Variants in RNF144A observed in about 807,000 individuals in gnomAD.
RNF144A encodes E3 ubiquitin-protein ligase RNF144A.
A neutral mutation model predicts 38.7 loss-of-function variants in RNF144A; 11 were observed. The observed-to-expected ratio is 0.28, with a 90% CI of 0.18 to 0.47. The LOEUF (loss-of-function observed/expected upper bound fraction) is 0.47. RNF144A is among the 20% of genes least tolerant of loss of function. RNF144A has a pLI of 0.99. For synonymous variants in RNF144A, 149 were observed against 143.9 expected (o/e 1.04, Z -0.25); for missense variants, 316 against 377.2 (o/e 0.84, Z 1.34).
intron 1 of RNF144A, among the ~76,000 whole-genome samples, chr2:6,939,806 A>AG (rs1553327730): frequency 6.6e-6 from 1 of 152,130 alleles, no homozygotes; most frequent in Non-Finnish European, 1.5e-5. Flanking sequence ...GAAAAAAAAA[A>AG]CACTATCATT....
chr2:7,007,300 C>T (rs141239139), intron 3 of RNF144A, among the ~76,000 whole-genome samples: 32 of 152,324 alleles, frequency 2.1e-4, no homozygotes, highest in Non-Finnish European at 1.8e-4. Context: ...GAATGATCTT[C>T]AGTTGTCTGG....
intron 2 of RNF144A, among the ~76,000 whole-genome samples, chr2:6,968,308 G>A (rs915956452): frequency 6.6e-6 from 1 of 152,236 alleles, no homozygotes; most frequent in Non-Finnish European, 1.5e-5. Context: ...TGAGTTGCAA[G>A]TTAAAATACG....
At chr2:6,967,422 G>T (rs750804014) in intron 2 of RNF144A, among the ~76,000 whole-genome samples, 2 of 152,208 alleles carry the variant, frequency 1.3e-5, no homozygotes, top group Non-Finnish European at 2.9e-5. Flanking sequence ...CCGGCCCAGG[G>T]TCTTGTTAGT....
chr2:7,008,798 G>A (rs559905990), intron 3 of RNF144A, among the ~76,000 whole-genome samples: 2 of 152,284 alleles, frequency 1.3e-5, no homozygotes, highest in South Asian at 2.1e-4. Flanking sequence ...CCTCTGAATG[G>A]CCAGGGAGCC....
chr2:6,985,759 G>A (rs952953462), intron 2 of RNF144A, among the ~76,000 whole-genome samples: 7 of 152,142 alleles, frequency 4.6e-5, no homozygotes, highest in African/African-American at 7.2e-5. Flanking sequence ...TGCAAGCTCC[G>A]CCTCCTGGGT....
At chr2:7,017,493 G>A (rs1396932837) in intron 5 of RNF144A, among the ~76,000 whole-genome samples, 1 of 152,160 alleles carries the variant, frequency 6.6e-6, no homozygotes, top group Non-Finnish European at 1.5e-5. Flanking sequence ...GGTAGTAAGT[G>A]CAGGGATGAG....
intron 2 of RNF144A, among the ~76,000 whole-genome samples, chr2:6,980,882 C>T (rs996063706): frequency 1.6e-4 from 24 of 152,356 alleles, no homozygotes; most frequent in Middle Eastern, 3.4e-3. Flanking sequence ...TCCATACATC[C>T]TCTGAAATCG....
chr2:7,008,322 T>C (rs2444299), intron 3 of RNF144A, among the ~76,000 whole-genome samples: 124,304 of 152,280 alleles, frequency 0.82, 50,831 homozygotes, highest in South Asian at 0.92. Context: ...TAGACCGCAG[T>C]GTAGCTGCAG....
At chr2:6,973,002 C>T (rs1036796201) in intron 2 of RNF144A, among the ~76,000 whole-genome samples, 1 of 152,230 alleles carries the variant, frequency 6.6e-6, no homozygotes, top group African/African-American at 2.4e-5. Context: ...TTGACATTTA[C>T]TAACTTTGTG....
At chr2:7,051,564 C>G (rs1247895698) in intron 6 of RNF144A, among the ~76,000 whole-genome samples, 1 of 152,126 alleles carries the variant, frequency 6.6e-6, no homozygotes, top group East Asian at 1.9e-4. Context: ...TATGCCCAGC[C>G]TGTGGAGTGG....
intron 3 of RNF144A, among the ~76,000 whole-genome samples, chr2:7,013,058 T>C (rs1479976399): frequency 6.6e-6 from 1 of 152,252 alleles, no homozygotes; most frequent in Non-Finnish European, 1.5e-5. Context: ...ATTTTTGTTT[T>C]TTAAAGAAAT....
At chr2:6,959,261 A>T (rs1287065808) in intron 2 of RNF144A, among the ~76,000 whole-genome samples, 1 of 152,110 alleles carries the variant, frequency 6.6e-6, no homozygotes, top group Non-Finnish European at 1.5e-5. Flanking sequence ...TCTCAGTGGG[A>T]CATTGGGGTA....
At chr2:7,029,296 G>C (rs1286153896) in intron 7 of RNF144A, among the ~76,000 whole-genome samples, 1 of 152,226 alleles carries the variant, frequency 6.6e-6, no homozygotes, top group African/African-American at 2.4e-5. Flanking sequence ...TGGAGGCATA[G>C]AGGGCTCGGT....
chr2:6,972,132 T>A lies in RNF144A; in HGVS notation c.-11-24784T>A, dbSNP rs527988355. On this transcript the variant is annotated intron_variant, in intron 2 of 8. Transcript: ENST00000320892. ...GCCACCTAAACCCACCCATTTCCCTTGAAGCCAGAGCAACAGCAAACAGCA... is the reference window on the plus strand; with the variant it reads ...GCCACCTAAACCCACCCATTTCCCTAGAAGCCAGAGCAACAGCAAACAGCA... Among the ~76,000 whole-genome samples the A allele has an allele frequency of 4.6e-5, 7 of 152,288 alleles. No individual in the cohort carries two copies. In the South Asian group the frequency reaches 1.0e-3, roughly 23 times the overall value.
chr2:6,954,026 A>G (rs951229672), intron 2 of RNF144A, among the ~76,000 whole-genome samples: 2 of 151,832 alleles, frequency 1.3e-5, no homozygotes, highest in Non-Finnish European at 2.9e-5. Flanking sequence ...TGTTTTGTCG[A>G]TAGCTTTCTT....
At chr2:6,926,030 T>G (rs575721471) in intron 1 of RNF144A, among the ~76,000 whole-genome samples, 2 of 152,372 alleles carry the variant, frequency 1.3e-5, no homozygotes, top group South Asian at 2.1e-4. Flanking sequence ...TTCTGTTTCC[T>G]TAATAGCAAG....
At chr2:6,971,758 T>C (rs969333241) in intron 2 of RNF144A, among the ~76,000 whole-genome samples, 2 of 148,284 alleles carry the variant, frequency 1.3e-5, no homozygotes, top group African/African-American at 5.0e-5. Context: ...TCACTAGTTC[T>C]GACCATTTTG....
At chr2:7,076,116 T>G in the RNF144A span, among the ~76,000 whole-genome samples, 943 of 152,310 alleles carry the variant, frequency 6.2e-3, 11 homozygotes, top group African/African-American at 0.021. Flanking sequence ...TGGAGCAGTT[T>G]CCTGGATGTC....
At chr2:7,032,773 G>A (rs1672409277) in intron 8 of RNF144A, among the ~76,000 whole-genome samples, 1 of 152,210 alleles carries the variant, frequency 6.6e-6, no homozygotes, top group South Asian at 2.1e-4. Context: ...TGTTTCCAAA[G>A]AAGGTCACAT....
Sources: gnomAD v4.1 joint callset for allele counts (sites outside exome capture counted in the v4.1 genomes callset) on GRCh38, gnomAD v4.1.1 for gene constraint, MANE v1.5 for transcripts, NCBI Gene and HGNC (gene_info 2026-07-23, HGNC 2026-07-21) for gene names.